Variants in DGKI observed in about 807,000 individuals in gnomAD.
The protein encoded by DGKI is DAG kinase iota.
Under a neutral mutation model 147.5 loss-of-function variants are expected in DGKI, and 55 were observed. The observed-to-expected ratio is 0.37, with a 90% confidence interval of 0.30 to 0.47. The LOEUF is 0.47. Ranked by LOEUF, DGKI falls within the 20% of genes least tolerant of loss-of-function variation. The pLI is 1.00. For missense variants in DGKI, 1,007 were observed against 1,323.8 expected (o/e 0.76, Z 3.71); for synonymous variants, 469 against 477.1 (o/e 0.98, Z 0.22).
intron 12 of DGKI, among the ~76,000 whole-genome samples, chr7:137,588,896 A>T (rs1369771384): frequency 1.3e-5 from 2 of 152,206 alleles, no homozygotes; most frequent in Non-Finnish European, 2.9e-5. Flanking sequence ...CATCTTATAG[A>T]TAAGGAAACA....
intron 1 of DGKI, among the ~76,000 whole-genome samples, chr7:137,720,465 A>G (rs947636346): frequency 2.6e-5 from 4 of 151,842 alleles, no homozygotes; most frequent in Admixed American, 6.6e-5. Flanking sequence ...TCACCGTGTT[A>G]GCCAGGATGG....
At chr7:137,786,253 G>A (rs1796666916) in intron 1 of DGKI, among the ~76,000 whole-genome samples, 1 of 151,990 alleles carries the variant, frequency 6.6e-6, no homozygotes, top group Non-Finnish European at 1.5e-5. Context: ...CCTAGAACTG[G>A]TAAATGAATT....
chr7:137,485,529 A>G, intron 22 of DGKI, 111 bp from the exon 23 acceptor site: 1 of 820,804 alleles, frequency 1.2e-6, no homozygotes, highest in Non-Finnish European at 2.0e-6. Context: ...GCTCATCTGG[A>G]AAGTATCGAA....
chr7:137,729,665 A>G (rs906920417), intron 1 of DGKI, among the ~76,000 whole-genome samples: 2 of 152,090 alleles, frequency 1.3e-5, no homozygotes, highest in African/African-American at 4.8e-5. Context: ...CTCTCATGCC[A>G]TAGAAACCAC....
At chr7:137,474,397 A>G (rs1472339558) in intron 23 of DGKI, among the ~76,000 whole-genome samples, 1 of 152,194 alleles carries the variant, frequency 6.6e-6, no homozygotes. Flanking sequence ...CCCACAAAAT[A>G]TGCCAGTAAT....
chr7:137,786,863 A>C (rs1045273921), intron 1 of DGKI, among the ~76,000 whole-genome samples: 1 of 152,162 alleles, frequency 6.6e-6, no homozygotes, highest in Non-Finnish European at 1.5e-5. Flanking sequence ...AAACAACAAC[A>C]TAAAGAGGGG....
Position 137,466,244 on chromosome 7 carries a change from C to G in DGKI, c.2485-209G>C, listed in dbSNP as rs140964215. ...CCTTGGTTCAGGATTTCCAATTAAC[C>G]AGGACTTTTTCTTAGATATATCTAG... On this transcript the variant is annotated intron_variant, in intron 25 of 32. Transcript: ENST00000614521. 1.4e-4 allele frequency among the ~76,000 whole-genome samples: 21 copies of G among 152,302 alleles called. No homozygotes were observed. The East Asian group carries it at 3.7e-3, about 27-fold the overall frequency.
chr7:137,610,640 AT>A (rs1488169859), intron 8 of DGKI, among the ~76,000 whole-genome samples: 4 of 152,246 alleles, frequency 2.6e-5, no homozygotes, highest in Admixed American at 1.3e-4. Context: ...TTAAAAGTTT[AT>A]ATAAGTATAT....
At chr7:137,556,984 A>G (rs553769781) in intron 19 of DGKI, among the ~76,000 whole-genome samples, 1 of 151,822 alleles carries the variant, frequency 6.6e-6, no homozygotes, top group Non-Finnish European at 1.5e-5. Flanking sequence ...GACTCTAAAA[A>G]GAAAAAAGAA....
At chr7:137,602,684 A>G (rs706570) in intron 10 of DGKI, among the ~76,000 whole-genome samples, 11,273 of 152,176 alleles carry the variant, frequency 0.074, 1,397 homozygotes, top group African/African-American at 0.26. Context: ...TTTAATAGAG[A>G]TAATTTATTA....
At chr7:137,495,710 C>A (rs1234656284) in intron 21 of DGKI, among the ~76,000 whole-genome samples, 1 of 152,028 alleles carries the variant, frequency 6.6e-6, no homozygotes, top group Non-Finnish European at 1.5e-5. Context: ...ACCAAAACTA[C>A]ATGATCATCT....
intron 8 of DGKI, among the ~76,000 whole-genome samples, chr7:137,618,149 A>T (rs201569763): frequency 0.14 from 939 of 6,824 alleles, 84 homozygotes; most frequent in Non-Finnish European, 0.16. Flanking sequence ...ATATATATAT[A>T]TATTTTTTTT....
chr7:137,393,777 A>G (rs1585071097), intron 32 of DGKI, among the ~76,000 whole-genome samples: 1 of 152,192 alleles, frequency 6.6e-6, no homozygotes, highest in South Asian at 2.1e-4. Flanking sequence ...GACTTCAGAG[A>G]GCAAGGGTGC....
chr7:137,629,787 A>G (rs1450433706), intron 6 of DGKI, among the ~76,000 whole-genome samples: 1 of 152,144 alleles, frequency 6.6e-6, no homozygotes, highest in Admixed American at 6.5e-5. Flanking sequence ...TTTTCTGCTG[A>G]TATGTGTACC....
chr7:137,553,987 TTG>T (rs1386523504), intron 19 of DGKI, among the ~76,000 whole-genome samples: 1 of 152,210 alleles, frequency 6.6e-6, no homozygotes, highest in Non-Finnish European at 1.5e-5. Context: ...CTCTTGGTAT[TTG>T]AAGTCATACA....
intron 1 of DGKI, among the ~76,000 whole-genome samples, chr7:137,695,328 G>A (rs1191779610): frequency 6.6e-6 from 1 of 152,136 alleles, no homozygotes; most frequent in East Asian, 1.9e-4. Flanking sequence ...TGTATTTACC[G>A]AATGTCTATT....
chr7:137,526,760 T>C (rs1351530399), intron 20 of DGKI, among the ~76,000 whole-genome samples: 1 of 152,112 alleles, frequency 6.6e-6, no homozygotes, highest in Non-Finnish European at 1.5e-5. Context: ...TTTCAATTGT[T>C]CCCATGTAGA....
intron 23 of DGKI, 85 bp downstream of exon 23, chr7:137,485,289 C>A: frequency 9.6e-7 from 1 of 1,038,194 alleles, no homozygotes; most frequent in South Asian, 1.5e-5. Context: ...AAGATGTGAA[C>A]TCTAAATCAA....
chr7:137,452,678 C>T (rs1814018943), intron 27 of DGKI: 2 of 152,204 alleles, frequency 1.3e-5, no homozygotes, highest in Admixed American at 6.5e-5. Flanking sequence ...GATGATCCAT[C>T]CTACTTAGGA....
Sources: allele counts gnomAD v4.1 joint callset (sites outside exome capture counted in the v4.1 genomes callset), GRCh38; gene constraint gnomAD v4.1.1; transcripts MANE v1.5; gene names NCBI Gene and HGNC (gene_info 2026-07-23, HGNC 2026-07-21).